Variants in RAB3C observed in about 807,000 individuals in gnomAD.
The protein encoded by RAB3C is ras-related protein Rab-3C.
Under a neutral mutation model 26.4 loss-of-function variants are expected in RAB3C, and 17 were observed. The observed-to-expected ratio is 0.64, with a 90% CI of 0.44 to 0.97. The LOEUF (loss-of-function observed/expected upper bound fraction) is 0.97. RAB3C is among the 50% of genes least tolerant of loss of function. RAB3C has a pLI of 0.00. For synonymous variants in RAB3C, 91 were observed against 95.9 expected (o/e 0.95, Z 0.30); for missense variants, 242 against 281.9 (o/e 0.86, Z 1.01).
At chr5:58,740,724 G>A (rs1741257758) in intron 3 of RAB3C, among the ~76,000 whole-genome samples, 1 of 152,158 alleles carries the variant, frequency 6.6e-6, no homozygotes, top group Non-Finnish European at 1.5e-5. Flanking sequence ...GGAGGCTGAG[G>A]CAGGAAAATC....
intron 2 of RAB3C, among the ~76,000 whole-genome samples, chr5:58,627,355 C>T (rs539579526): frequency 2.1e-5 from 2 of 95,696 alleles, no homozygotes; most frequent in Admixed American, 1.2e-4. Context: ...AACACAGCTA[C>T]TCGGGAGGCT....
At chr5:58,777,823 C>G (rs1207536534) in intron 3 of RAB3C, among the ~76,000 whole-genome samples, 1 of 151,718 alleles carries the variant, frequency 6.6e-6, no homozygotes, top group African/African-American at 2.4e-5. Flanking sequence ...CAATTCCCAC[C>G]TCTAAGTGAG....
chr5:58,835,447 A>G (rs1743724351), intron 4 of RAB3C, among the ~76,000 whole-genome samples: 1 of 152,138 alleles, frequency 6.6e-6, no homozygotes, highest in African/African-American at 2.4e-5. Context: ...CCAAAGCCCC[A>G]CTGTCTATCT....
intron 1 of RAB3C, among the ~76,000 whole-genome samples, chr5:58,596,627 CATA>C (rs1460527837): frequency 1.2e-5 from 1 of 86,310 alleles, no homozygotes. Flanking sequence ...ATATATAATA[CATA>C]ATATATAAAT....
chr5:58,658,406 A>G (rs1028764787), intron 2 of RAB3C, among the ~76,000 whole-genome samples: 12 of 152,222 alleles, frequency 7.9e-5, no homozygotes, highest in Non-Finnish European at 1.6e-4. Context: ...CAATCATGTC[A>G]TCTGCAAACA....
chr5:58,728,032 T>C (rs1312294873), intron 3 of RAB3C, among the ~76,000 whole-genome samples: 1 of 152,014 alleles, frequency 6.6e-6, no homozygotes, highest in Non-Finnish European at 1.5e-5. Flanking sequence ...TTTCTCTGCT[T>C]TGCATGTCTC....
chr5:58,850,759 G>GC (rs1275065600), intron 4 of RAB3C, among the ~76,000 whole-genome samples: 1 of 152,164 alleles, frequency 6.6e-6, no homozygotes, highest in African/African-American at 2.4e-5. Context: ...TACATGGTGC[G>GC]CTAGGGGTTG....
chr5:58,696,481 G>T (rs1748703192), intron 2 of RAB3C, among the ~76,000 whole-genome samples: 1 of 152,058 alleles, frequency 6.6e-6, no homozygotes, highest in South Asian at 2.1e-4. Flanking sequence ...TTGATTGGAA[G>T]TTTCAGAAGG....
chr5:58,708,590 T>C (rs1171066279), intron 2 of RAB3C, among the ~76,000 whole-genome samples: 1 of 152,160 alleles, frequency 6.6e-6, no homozygotes, highest in Non-Finnish European at 1.5e-5. Context: ...TACCAAGCAA[T>C]TCAAGCAGTA....
At chr5:58,697,015 A>G (rs181662230) in intron 2 of RAB3C, among the ~76,000 whole-genome samples, 2 of 152,114 alleles carry the variant, frequency 1.3e-5, no homozygotes, top group Non-Finnish European at 2.9e-5. Context: ...TTGTGATGTT[A>G]GGGTGTCGAT....
chr5:58,646,571 A>C (rs1026820522), intron 2 of RAB3C, among the ~76,000 whole-genome samples: 13 of 152,112 alleles, frequency 8.5e-5, no homozygotes, highest in Non-Finnish European at 1.6e-4. Context: ...GGTTAGAGTG[A>C]GAAGGAAGAA....
At chr5:58,683,578 C>G (rs1349283662) in intron 2 of RAB3C, among the ~76,000 whole-genome samples, 3 of 152,148 alleles carry the variant, frequency 2.0e-5, no homozygotes, top group Admixed American at 6.5e-5. Flanking sequence ...CCCCCTTATC[C>G]ATGGTTGCAC....
intron 3 of RAB3C, among the ~76,000 whole-genome samples, chr5:58,765,712 C>CATCATTTA (rs1741887063): frequency 6.6e-6 from 1 of 152,130 alleles, no homozygotes; most frequent in African/African-American, 2.4e-5. Context: ...ATGCATCATC[C>CATCATTTA]ATCATTTATC....
At chr5:58,717,889 A>C (rs181373454) in intron 2 of RAB3C, among the ~76,000 whole-genome samples, 1 of 152,120 alleles carries the variant, frequency 6.6e-6, no homozygotes, top group Non-Finnish European at 1.5e-5. Flanking sequence ...AATGAGCCCA[A>C]TCGGCACATG....
chr5:58,608,115 C>A (rs1458444523), intron 1 of RAB3C, among the ~76,000 whole-genome samples: 2 of 152,028 alleles, frequency 1.3e-5, no homozygotes, highest in Non-Finnish European at 2.9e-5. Flanking sequence ...GCTAAATACC[C>A]CAATTAAAAG....
chr5:58,721,900 C>T (rs1255845273), intron 2 of RAB3C, among the ~76,000 whole-genome samples: 2 of 151,818 alleles, frequency 1.3e-5, no homozygotes, highest in East Asian at 3.9e-4. Flanking sequence ...GATCCTGCCC[C>T]TTGCTGTGAC....
chr5:58,777,541 TTA>T (rs980191356), intron 3 of RAB3C, among the ~76,000 whole-genome samples: 1 of 152,096 alleles, frequency 6.6e-6, no homozygotes, highest in African/African-American at 2.4e-5. Context: ...ATAGATAATT[TTA>T]TATGTCTATA....
intron 3 of RAB3C, among the ~76,000 whole-genome samples, chr5:58,775,329 A>C (rs1290309875): frequency 1.3e-5 from 2 of 152,118 alleles, no homozygotes; most frequent in African/African-American, 2.4e-5. Context: ...AGGCTCCTTT[A>C]TAAAACCTCA....
intron 2 of RAB3C, among the ~76,000 whole-genome samples, chr5:58,627,201 AT>A (rs1331556829): frequency 6.6e-6 from 1 of 152,194 alleles, no homozygotes; most frequent in Non-Finnish European, 1.5e-5. Flanking sequence ...CTATTGGGAT[AT>A]GATTTCCTCA....
Sources: gnomAD v4.1 joint callset for allele counts (sites outside exome capture counted in the v4.1 genomes callset) on GRCh38, gnomAD v4.1.1 for gene constraint, MANE v1.5 for transcripts, NCBI Gene and HGNC (gene_info 2026-07-23, HGNC 2026-07-21) for gene names.